The following TLE4 variants were observed in gnomAD, a reference collection of about 807,000 sequenced individuals.
TLE4 encodes transducin-like enhancer protein 4.
A neutral mutation model predicts 92.8 loss-of-function variants in TLE4; 8 were observed. That is an observed-to-expected ratio of 0.09 (90% confidence interval 0.05 to 0.16). The LOEUF (loss-of-function observed/expected upper bound fraction) is 0.16. Among genes scored for constraint, TLE4 ranks in the 10% least tolerant of loss-of-function variants. The pLI, the probability that TLE4 is intolerant of heterozygous loss-of-function variation, is 1.00. For missense variants in TLE4, 675 were observed against 997.6 expected, an observed-to-expected ratio of 0.68 and a Z score of 4.36; for synonymous variants, 371 against 374.1, an observed-to-expected ratio of 0.99 and a Z score of 0.10.
chr9:79,625,996 T>C (rs890559187), intron 5 of TLE4, among the ~76,000 whole-genome samples: 6 of 151,974 alleles, frequency 3.9e-5, no homozygotes, highest in African/African-American at 1.4e-4. Context: ...AGTTTAATAA[T>C]CAGAGTCTAT....
chr9:79,709,665 C>A lies in TLE4; in HGVS notation c.1306C>A (p.Pro436Thr), dbSNP rs767567289. ...CCATCACATGCGTGTGCCAGCAATA[C>A]CTCCAAACCTGACAGGCATTCCAGG... ...PHHHMRVPAI[P>T]PNLTGIPGGK... The change falls in exon 14 of 20, where the codon CCT becomes ACT. Residue 436 changes from proline to threonine, a missense_variant. Pro to Thr is a conservative substitution (Grantham distance 38). Around this residue, in one of 5 missense-constraint regions of TLE4, gnomAD observed 119 missense variants for 175.9 expected, o/e 0.68. Coordinates refer to ENST00000376552, the MANE Select transcript of TLE4 (RefSeq NM_007005.6). 1 of 1,614,086 alleles carries A rather than the reference C, an allele frequency of 6.2e-7. No individual in the cohort carries two copies. Among genetic ancestry groups the A allele is most frequent in the South Asian group, 1.1e-5 (1 of 91,072 alleles).
At chr9:79,573,176 C>A in intron 1 of TLE4, 1 of 915,652 alleles carries the variant, frequency 1.1e-6, no homozygotes. Context: ...GCGGGGAGGG[C>A]GCCCTCGGCA....
intron 8 of TLE4, among the ~76,000 whole-genome samples, chr9:79,677,716 A>G (rs1216743989): frequency 6.7e-6 from 1 of 150,176 alleles, no homozygotes. Context: ...AGCTTATACT[A>G]TTCCAGAAGT....
intron 5 of TLE4, among the ~76,000 whole-genome samples, chr9:79,615,454 C>T (rs2049323727): frequency 6.6e-6 from 1 of 152,134 alleles, no homozygotes; most frequent in Admixed American, 6.5e-5. Context: ...AAGAGTAGTG[C>T]ATAAGCTAAC....
At chr9:79,607,327 G>T (rs982068785) in intron 4 of TLE4, among the ~76,000 whole-genome samples, 1 of 152,098 alleles carries the variant, frequency 6.6e-6, no homozygotes, top group Non-Finnish European at 1.5e-5. Context: ...TAGGTTGCCT[G>T]TTCACTCTGA....
At chr9:79,646,844 A>G (rs1341597968) in intron 6 of TLE4, among the ~76,000 whole-genome samples, 1 of 152,166 alleles carries the variant, frequency 6.6e-6, no homozygotes, top group African/African-American at 2.4e-5. Flanking sequence ...TCCCTTCTAC[A>G]GGATGCCTGA....
At chr9:79,720,916 T>A (rs1395201066) in intron 16 of TLE4, among the ~76,000 whole-genome samples, 1 of 152,028 alleles carries the variant, frequency 6.6e-6, no homozygotes, top group Non-Finnish European at 1.5e-5. Flanking sequence ...TATAAAAGAT[T>A]GGTGTTGGTA....
intron 8 of TLE4, among the ~76,000 whole-genome samples, chr9:79,691,401 G>A (rs1487420204): frequency 6.6e-6 from 1 of 152,230 alleles, no homozygotes; most frequent in Non-Finnish European, 1.5e-5. Context: ...GGTAGGCAGT[G>A]TAATCTTTTC....
chr9:79,708,498 T>A, intron 12 of TLE4, 95 bp from the exon 13 acceptor site: 1 of 1,279,944 alleles, frequency 7.8e-7, no homozygotes, highest in East Asian at 2.3e-5. Flanking sequence ...ATAAGCTCAT[T>A]TGAACCATAG....
intron 8 of TLE4, among the ~76,000 whole-genome samples, chr9:79,682,215 C>G (rs1170864644): frequency 6.6e-6 from 1 of 152,032 alleles, no homozygotes; most frequent in Non-Finnish European, 1.5e-5. Flanking sequence ...ATCCAGAAAG[C>G]TCTGAAAACT....
chr9:79,644,402 G>A (rs943813067), intron 6 of TLE4, among the ~76,000 whole-genome samples: 3 of 152,194 alleles, frequency 2.0e-5, no homozygotes. Context: ...CTAATACGCT[G>A]TGCTAAGGGT....
At chr9:79,683,652 G>C (rs2065199245) in intron 8 of TLE4, among the ~76,000 whole-genome samples, 1 of 152,120 alleles carries the variant, frequency 6.6e-6, no homozygotes. Context: ...GAACTGATAA[G>C]GTGTGGTTAA....
chr9:79,628,642 A>G (rs1281107310), intron 6 of TLE4, among the ~76,000 whole-genome samples: 1 of 152,130 alleles, frequency 6.6e-6, no homozygotes, highest in African/African-American at 2.4e-5. Context: ...AATGAATGGA[A>G]AAGAGTGACC....
intron 8 of TLE4, among the ~76,000 whole-genome samples, chr9:79,684,480 TCTATTGTGAACTGTGCAATGCAGGGA>T (rs2065383334): frequency 2.3e-5 from 1 of 43,524 alleles, no homozygotes; most frequent in Non-Finnish European, 8.9e-5. Context: ...AATGCAGGGA[TCTATTGTGAACTGTGCAATGCAGGGA>T]TCTAGGTTGT....
chr9:79,706,895 G>T lies in TLE4; in HGVS notation c.932G>T (p.Ser311Ile), dbSNP rs947539048. 1.2e-6 allele frequency: 2 copies of T among 1,613,816 alleles called. No individual in the cohort carries two copies. Among genetic ancestry groups the T allele is most frequent in the African/African-American group, 2.7e-5 (2 of 74,920 alleles). Residue 311 changes from serine (S) to isoleucine (I), a missense_variant, in exon 11 of 20, where the codon AGC (serine) becomes ATC (isoleucine). Ser to Ile is a moderately radical substitution (Grantham distance 142, BLOSUM62 -2). This residue lies in a region of TLE4 where 280 missense variants were observed against 287.3 expected (regional missense o/e 0.97). Coordinates refer to ENST00000376552, the MANE Select transcript of TLE4 (RefSeq NM_007005.6). ...STPSSKSKEL[S>I]LNEKSTTPVS... is the part of the protein sequence containing the mutation. The stretch of plus-strand genomic sequence containing the variant: ...CCCTCCTCCAAATCCAAAGAACTTA[G>T]CCTTGTAAGCAGCTCCTTACCATCT...
chr9:79,663,070 G>C (rs1185143628), intron 8 of TLE4, among the ~76,000 whole-genome samples: 2 of 148,660 alleles, frequency 1.3e-5, no homozygotes, highest in Non-Finnish European at 1.5e-5. Context: ...GTGGGGGTGG[G>C]GGTGGAGAAG....
rs1334138524 is a variant in TLE4, at chr9:79,721,900, G to A, written c.1986+12G>A. The A allele has an allele frequency of 1.9e-6, 3 of 1,603,794 alleles. No individual in the cohort carries two copies. The highest frequency in any genetic ancestry group is 2.6e-6 in the Non-Finnish European group (3 of 1,175,470). On this transcript the variant is annotated intron_variant, in intron 17 of 19. Transcript: ENST00000376552. The stretch of plus-strand genomic sequence containing the variant: ...ACTTCACCTCCCAGGTATGATCCGT[G>A]GCTGAGGCATTTTAAAGATACGGTT...
chr9:79,713,876 T>C (rs2073928045), intron 14 of TLE4, among the ~76,000 whole-genome samples: 1 of 152,118 alleles, frequency 6.6e-6, no homozygotes, highest in Non-Finnish European at 1.5e-5. Context: ...GTTGTTGTTG[T>C]TGTTTGAGAG....
intron 8 of TLE4, among the ~76,000 whole-genome samples, chr9:79,682,325 C>A (rs1442146131): frequency 6.6e-6 from 1 of 152,092 alleles, no homozygotes; most frequent in Admixed American, 6.6e-5. Context: ...ATTCCAGCCC[C>A]TGTTAGAGTA....
Sources: allele counts gnomAD v4.1 joint callset (sites outside exome capture counted in the v4.1 genomes callset), GRCh38; gene constraint gnomAD v4.1.1; regional missense constraint gnomAD v4.1.1; transcripts MANE v1.5; gene names NCBI Gene and HGNC (gene_info 2026-07-23, HGNC 2026-07-21).